The following ARHGAP42 variants were observed in gnomAD, a reference collection of about 807,000 sequenced individuals.
The protein encoded by ARHGAP42 is Rho GTPase activating protein 42.
In ARHGAP42, 63 loss-of-function variants were observed where a neutral mutation model predicts 125.0. The observed-to-expected ratio is 0.50, with a 90% CI of 0.41 to 0.62. ARHGAP42 has a LOEUF of 0.62. Among genes scored for constraint, ARHGAP42 ranks in the 20% least tolerant of loss-of-function variants. The pLI is 0.00. For synonymous variants in ARHGAP42, 339 were observed against 351.0 expected (o/e 0.97, Z 0.38); for missense variants, 766 against 1,024.2 (o/e 0.75, Z 3.44).
chr11:100,739,839 G>A (rs1231249585), intron 1 of ARHGAP42, among the ~76,000 whole-genome samples: 9 of 151,996 alleles, frequency 5.9e-5, no homozygotes, highest in African/African-American at 1.7e-4. Flanking sequence ...CTTGATAACC[G>A]CATTCATTCC....
At chr11:100,718,567 C>T (rs1861705133) in intron 1 of ARHGAP42, among the ~76,000 whole-genome samples, 1 of 152,142 alleles carries the variant, frequency 6.6e-6, no homozygotes, top group South Asian at 2.1e-4. Flanking sequence ...GACTCAAACA[C>T]ACCACGAATA....
At chr11:100,986,840 CTTCACTTGAAAAAAAAAAAG>C (rs1239253905) in intron 22 of ARHGAP42, among the ~76,000 whole-genome samples, 1 of 150,034 alleles carries the variant, frequency 6.7e-6, no homozygotes, top group Non-Finnish European at 1.5e-5. Flanking sequence ...TAAATTCTGA[CTTCACTTGAAAAAAAAAAAG>C]AGTATCTGGT....
In ARHGAP42 at chr11:100,959,914, G is replaced by T. The variant is rs547625443; in HGVS notation, c.1194G>T (p.Val398=). 1 of 1,551,366 alleles carries T rather than the reference G, an allele frequency of 6.4e-7. No homozygotes were observed. Among genetic ancestry groups the T allele is most frequent in the Admixed American group, 2.0e-5 (1 of 50,962 alleles). ...TGAATGAAGCAGGGTTCAACTTTGTGAGAAAATGCATTCAAGCTGTGGAAA... is the reference window on the plus strand; with the variant it reads ...TGAATGAAGCAGGGTTCAACTTTGTTAGAAAATGCATTCAAGCTGTGGAAA... ...MYLNEAGFNF[V]RKCIQAVETR... The change falls in exon 13 of 24, where the codon GTG becomes GTT. Residue 398 remains valine (V), a synonymous_variant. Coordinates refer to ENST00000298815, the MANE Select transcript of ARHGAP42 (RefSeq NM_152432.4).
intron 2 of ARHGAP42, 50 bp from the exon 3 acceptor site, chr11:100,795,055 A>G (rs1863676234): frequency 7.3e-7 from 1 of 1,360,570 alleles, no homozygotes; most frequent in Non-Finnish European, 1.0e-6. Flanking sequence ...GTAATTAGAT[A>G]TTAGCTATGA....
intron 9 of ARHGAP42, among the ~76,000 whole-genome samples, chr11:100,943,525 A>G (rs961224595): frequency 6.6e-6 from 1 of 152,282 alleles, no homozygotes; most frequent in East Asian, 1.9e-4. Flanking sequence ...GTTACTGGAC[A>G]GGCATGTTAC....
chr11:100,880,147 G>C (rs1049305604), intron 4 of ARHGAP42, among the ~76,000 whole-genome samples: 2 of 152,106 alleles, frequency 1.3e-5, no homozygotes, highest in Non-Finnish European at 2.9e-5. Flanking sequence ...GGTGGTGTTT[G>C]GTTACATGAG....
chr11:100,978,875 C>T, intron 21 of ARHGAP42, 112 bp from the exon 22 acceptor site: 1 of 1,013,074 alleles, frequency 9.9e-7, no homozygotes, highest in Non-Finnish European at 1.5e-6. Flanking sequence ...CTAATTTTGG[C>T]AATGGTTCTC....
At chr11:100,904,412 A>G (rs922838620) in intron 4 of ARHGAP42, among the ~76,000 whole-genome samples, 1 of 151,942 alleles carries the variant, frequency 6.6e-6, no homozygotes, top group African/African-American at 2.4e-5. Context: ...ACGCCCAGCT[A>G]ATTTTTGTAT....
chr11:100,893,998 C>T (rs1423178823), intron 4 of ARHGAP42, among the ~76,000 whole-genome samples: 1 of 152,060 alleles, frequency 6.6e-6, no homozygotes. Context: ...CACATTTTAC[C>T]CACCAATGGC....
intron 1 of ARHGAP42, among the ~76,000 whole-genome samples, chr11:100,692,860 C>A (rs61908745): frequency 0.22 from 33,325 of 152,100 alleles, 3,871 homozygotes; most frequent in Non-Finnish European, 0.25. Context: ...GGTGGAAACA[C>A]CTTAGACAAG....
chr11:100,796,003 G>A (rs1863700993), intron 3 of ARHGAP42, among the ~76,000 whole-genome samples: 1 of 152,110 alleles, frequency 6.6e-6, no homozygotes, highest in African/African-American at 2.4e-5. Context: ...ATTTCTTTGT[G>A]CTTTACTATA....
At chr11:100,948,353 C>T in intron 10 of ARHGAP42, 104 bp from the exon 11 acceptor site, 2 of 768,004 alleles carry the variant, frequency 2.6e-6, no homozygotes, top group South Asian at 3.0e-5. Flanking sequence ...GTCTTCATTT[C>T]TCTTTTCTCT....
At chr11:100,786,350 A>T (rs1471735014) in intron 2 of ARHGAP42, among the ~76,000 whole-genome samples, 3 of 152,236 alleles carry the variant, frequency 2.0e-5, no homozygotes, top group Non-Finnish European at 4.4e-5. Flanking sequence ...AAGTTTTCTG[A>T]AGAATTCAGA....
chr11:100,708,206 C>T (rs914971289), intron 1 of ARHGAP42, among the ~76,000 whole-genome samples: 1 of 152,046 alleles, frequency 6.6e-6, no homozygotes, highest in African/African-American at 2.4e-5. Flanking sequence ...AGCATAGTAC[C>T]TGGTACATAG....
intron 1 of ARHGAP42, among the ~76,000 whole-genome samples, chr11:100,701,163 G>C (rs1301999165): frequency 7.2e-6 from 1 of 138,486 alleles, no homozygotes; most frequent in African/African-American, 2.7e-5. Context: ...TTTTTTTTCT[G>C]AGCAATAGGC....
chr11:100,973,856 G>A (rs1858318848), intron 18 of ARHGAP42, among the ~76,000 whole-genome samples: 1 of 152,180 alleles, frequency 6.6e-6, no homozygotes, highest in African/African-American at 2.4e-5. Flanking sequence ...CTAACAATTT[G>A]TAATCCTTTT....
At chr11:100,743,203 T>C (rs964729345) in intron 1 of ARHGAP42, among the ~76,000 whole-genome samples, 6 of 152,358 alleles carry the variant, frequency 3.9e-5, no homozygotes, top group African/African-American at 9.6e-5. Flanking sequence ...CTGGTGCATA[T>C]TGACCTTTTG....
chr11:100,902,793 C>T (rs1290522952), intron 4 of ARHGAP42, among the ~76,000 whole-genome samples: 3 of 152,180 alleles, frequency 2.0e-5, no homozygotes, highest in African/African-American at 4.8e-5. Flanking sequence ...GAGTACTGCA[C>T]TGTCACCTCT....
At chr11:100,890,202 C>CTCGAGATGTCCCTCCATGGTCTT (rs996130936) in intron 4 of ARHGAP42, among the ~76,000 whole-genome samples, 2 of 152,164 alleles carry the variant, frequency 1.3e-5, no homozygotes, top group Admixed American at 6.5e-5. Flanking sequence ...GTTTCTGCCT[C>CTCGAGATGTCCCTCCATGGTCTT]TCGAGATGTC....
Sources: gnomAD v4.1 joint callset for allele counts (sites outside exome capture counted in the v4.1 genomes callset) on GRCh38, gnomAD v4.1.1 for gene constraint, MANE v1.5 for transcripts, NCBI Gene and HGNC (gene_info 2026-07-23, HGNC 2026-07-21) for gene names.